Variants in PACRG observed in about 807,000 individuals in gnomAD.
PACRG encodes the protein parkin coregulated gene protein.
A neutral mutation model predicts 29.7 loss-of-function variants in PACRG; 29 were observed. The observed-to-expected ratio is 0.98, with a 90% CI of 0.73 to 1.33. The LOEUF is 1.33. Ranked by LOEUF, PACRG falls within the 40% of genes most tolerant of loss-of-function variation. The pLI is 0.00. For synonymous variants in PACRG, 116 were observed against 118.7 expected, an observed-to-expected ratio of 0.98 and a Z score of 0.15; for missense variants, 279 against 316.2, an observed-to-expected ratio of 0.88 and a Z score of 0.89.
Position 162,851,684 on chromosome 6 carries a change from AT to A in PACRG, c.291+37406del, listed in dbSNP as rs1169556116. ...TTATCCCCCTTGAAACTGTATTTTC[AT>A]TTCACTCTCCTCTCAGAATGTTTTC... On this transcript the variant is annotated intron_variant, in intron 2 of 4. Transcript: ENST00000366888. 6.6e-5 allele frequency among the ~76,000 whole-genome samples: 10 copies of A among 152,112 alleles called. No homozygotes were observed. In the South Asian group the frequency reaches 2.1e-3, roughly 32 times the overall value.
chr6:163,255,119 C>T (rs1448794108), intron 4 of PACRG, among the ~76,000 whole-genome samples: 1 of 152,210 alleles, frequency 6.6e-6, no homozygotes, highest in East Asian at 1.9e-4. Flanking sequence ...TCCATGGCAA[C>T]ATCCAGCTAG....
intron 4 of PACRG, among the ~76,000 whole-genome samples, chr6:163,144,612 T>C (rs547793310): frequency 1.1e-3 from 170 of 152,020 alleles, no homozygotes; most frequent in African/African-American, 4.0e-3. Context: ...CTACTAAAAA[T>C]ACAAAAATTA....
chr6:163,124,163 G>A (rs184093036), intron 4 of PACRG, among the ~76,000 whole-genome samples: 2 of 152,310 alleles, frequency 1.3e-5, no homozygotes, highest in East Asian at 3.9e-4. Context: ...CTAGTGAGTT[G>A]TAGGAGCTCT....
At chr6:163,241,445 C>G (rs1046924718) in intron 4 of PACRG, among the ~76,000 whole-genome samples, 1 of 152,210 alleles carries the variant, frequency 6.6e-6, no homozygotes, top group Non-Finnish European at 1.5e-5. Flanking sequence ...GCAGCCCTTC[C>G]GTGATCATCT....
rs1286624733 is a variant in PACRG at position 163,176,043 on chromosome 6, C to G, written c.613+86635C>G. Among the ~76,000 whole-genome samples the G allele has an allele frequency of 3.3e-5, 5 of 152,134 alleles. No homozygotes were observed. The East Asian group carries it at 9.7e-4, about 29-fold the overall frequency. ...GGCTTCTAGTCAAAGTAACCTTACA[C>G]AAAGAAACAACAAAACACAAGTAGA... is the stretch of plus-strand genomic sequence containing the variant. On this transcript the variant is annotated intron_variant, in intron 4 of 4. Transcript: ENST00000366888.
intron 4 of PACRG, among the ~76,000 whole-genome samples, chr6:163,135,468 T>G (rs918644992): frequency 2.6e-5 from 4 of 152,238 alleles, no homozygotes; most frequent in Non-Finnish European, 5.9e-5. Flanking sequence ...ATTCCAGGCA[T>G]GAGCCACAGC....
chr6:162,737,662 T>G (rs1053660457), intron 1 of PACRG, among the ~76,000 whole-genome samples: 39 of 152,160 alleles, frequency 2.6e-4, no homozygotes, highest in Admixed American at 7.2e-4. Flanking sequence ...TAATTTATCC[T>G]GTTAATTCCC....
chr6:162,905,914 G>A (rs1008980639), intron 2 of PACRG, among the ~76,000 whole-genome samples: 1 of 152,174 alleles, frequency 6.6e-6, no homozygotes, highest in African/African-American at 2.4e-5. Flanking sequence ...CAGCAAACTA[G>A]AACCCGTGGT....
intron 2 of PACRG, among the ~76,000 whole-genome samples, chr6:163,054,503 A>G (rs752881854): frequency 6.6e-6 from 1 of 152,208 alleles, no homozygotes; most frequent in Admixed American, 6.5e-5. Flanking sequence ...GCCTGGGCTA[A>G]GACAGTGCGT....
At chr6:162,806,314 G>C (rs567473048) in intron 1 of PACRG, among the ~76,000 whole-genome samples, 2 of 151,758 alleles carry the variant, frequency 1.3e-5, no homozygotes, top group South Asian at 4.2e-4. Context: ...CACCATGTTG[G>C]TCAGGCTGGT....
chr6:162,984,055 A>AT (rs1802667542), intron 2 of PACRG, among the ~76,000 whole-genome samples: 1 of 151,864 alleles, frequency 6.6e-6, no homozygotes, highest in African/African-American at 2.4e-5. Flanking sequence ...TTTTTGGGAA[A>AT]CGGGTGGTGT....
chr6:162,800,903 G>A (rs1785799145), intron 1 of PACRG, among the ~76,000 whole-genome samples: 1 of 152,088 alleles, frequency 6.6e-6, no homozygotes, highest in African/African-American at 2.4e-5. Context: ...AATCGTAGAG[G>A]TCAGCCAGGA....
rs188542710 is a variant in PACRG, at chr6:163,271,676, G to A, written c.614-43151G>A. Among the ~76,000 whole-genome samples the A allele has an allele frequency of 3.5e-3, 526 of 152,220 alleles. 2 individuals carry two copies. Among genetic ancestry groups the A allele is most frequent in the South Asian group, 5.6e-3 (27 of 4,814 alleles). On this transcript the variant is annotated intron_variant, in intron 4 of 4. Transcript: ENST00000366888. ...TAAATTCCTGTATGTATGTTTGCCC[G>A]CATATTTTAATGTCTGGTAGTTCTT...
chr6:163,091,014 T>C (rs866692760), intron 4 of PACRG, among the ~76,000 whole-genome samples: 2 of 152,208 alleles, frequency 1.3e-5, no homozygotes, highest in African/African-American at 2.4e-5. Flanking sequence ...TTGATGATCC[T>C]GGAAGATGAG....
intron 1 of PACRG, among the ~76,000 whole-genome samples, chr6:162,771,015 T>C (rs1182140580): frequency 6.6e-6 from 1 of 152,182 alleles, no homozygotes; most frequent in Non-Finnish European, 1.5e-5. Context: ...GGGCACTTTT[T>C]CAAATATTCC....
At chr6:163,185,493 A>G (rs1004988018) in intron 4 of PACRG, among the ~76,000 whole-genome samples, 1 of 152,154 alleles carries the variant, frequency 6.6e-6, no homozygotes. Flanking sequence ...CACTTGGTAA[A>G]TTTCACTGCA....
At chr6:162,978,946 A>C (rs996082418) in intron 2 of PACRG, among the ~76,000 whole-genome samples, 1 of 152,156 alleles carries the variant, frequency 6.6e-6, no homozygotes, top group African/African-American at 2.4e-5. Flanking sequence ...TGAGTTCTCA[A>C]ATCCATAAAT....
rs1458786935 is a variant in PACRG at position 162,985,781 on chromosome 6, T to G, written c.292-76369T>G. Among the ~76,000 whole-genome samples the G allele has an allele frequency of 2.6e-5, 4 of 152,052 alleles. No homozygotes were observed. The South Asian group carries it at 8.3e-4, about 31-fold the overall frequency. On this transcript the variant is annotated intron_variant, in intron 2 of 4. Coordinates refer to ENST00000366888, the MANE Select transcript of PACRG (RefSeq NM_001080379.2). ...AAGTCAAACTGTTGCTGTTTCCTGA[T>G]AATATGATTGTATACCTAGAAAACC... is the stretch of plus-strand genomic sequence containing the variant.
At position 162,814,217 on chromosome 6, in the gene PACRG, A is replaced by G. The variant is rs747837216; in HGVS notation, c.227A>G (p.Tyr76Cys). 56 of 1,613,822 alleles carry G rather than the reference A, an allele frequency of 3.5e-5. No individual in the cohort carries two copies. Among genetic ancestry groups the G allele is most frequent in the African/African-American group, 5.3e-5 (4 of 74,886 alleles). ...PTKPTAFRKF[Y>C]ERGDFPIALE... ...AAGCCCACAGCATTTCGAAAATTCT[A>G]TGAGCGAGGTGACTTCCCAATTGCC... Residue 76 changes from tyrosine to cysteine, a missense_variant, in exon 2 of 5, where the codon TAT (tyrosine) becomes TGT (cysteine). Physicochemically the swap from Tyr to Cys is radical, Grantham distance 194. Coordinates refer to ENST00000366888, the MANE Select transcript of PACRG (RefSeq NM_001080379.2).
Sources: allele counts gnomAD v4.1 joint callset (sites outside exome capture counted in the v4.1 genomes callset), GRCh38; gene constraint gnomAD v4.1.1; transcripts MANE v1.5; gene names NCBI Gene and HGNC (gene_info 2026-07-23, HGNC 2026-07-21).